Variants in LRMDA observed in about 807,000 individuals in gnomAD.
LRMDA encodes the protein leucine-rich melanocyte differentiation-associated protein.
LRMDA carries 18 observed loss-of-function variants against 29.8 expected under a neutral mutation model. The observed-to-expected ratio is 0.60, with a 90% CI of 0.42 to 0.90. LRMDA has a LOEUF of 0.90. Among genes scored for constraint, LRMDA ranks in the 40% least tolerant of loss-of-function variants. The probability of loss-of-function intolerance (pLI) is 0.00; values close to 1 mark genes in which losing one functional copy is unlikely to be tolerated. For synonymous variants in LRMDA, 125 were observed against 109.4 expected (o/e 1.14, Z -0.89); for missense variants, 273 against 273.9 (o/e 1.00, Z 0.02).
intron 2 of LRMDA, among the ~76,000 whole-genome samples, chr10:75,835,546 C>CT (rs1195593715): frequency 6.6e-6 from 1 of 152,170 alleles, no homozygotes; most frequent in Non-Finnish European, 1.5e-5. Flanking sequence ...TACCATATCG[C>CT]TATTATTTCA....
chr10:76,152,215 TTC>T (rs1305524907), intron 5 of LRMDA, among the ~76,000 whole-genome samples: 1 of 152,198 alleles, frequency 6.6e-6, no homozygotes, highest in African/African-American at 2.4e-5. Context: ...TTAATCAACT[TTC>T]TGTCTCTATA....
chr10:75,676,729 C>T (rs772211765), intron 2 of LRMDA, among the ~76,000 whole-genome samples: 1 of 152,170 alleles, frequency 6.6e-6, no homozygotes, highest in Non-Finnish European at 1.5e-5. Context: ...TAGGTAAATT[C>T]TCTGAAGGAG....
At chr10:76,038,492 T>A (rs1848288527) in intron 3 of LRMDA, among the ~76,000 whole-genome samples, 1 of 152,216 alleles carries the variant, frequency 6.6e-6, no homozygotes, top group South Asian at 2.1e-4. Flanking sequence ...TGTAGCACAT[T>A]TTCTTATCAG....
At chr10:76,008,748 C>G (rs1417784132) in intron 2 of LRMDA, among the ~76,000 whole-genome samples, 5 of 152,232 alleles carry the variant, frequency 3.3e-5, no homozygotes, top group Non-Finnish European at 5.9e-5. Context: ...TGTTGGAGAG[C>G]TCTCTGAGAA....
intron 6 of LRMDA, among the ~76,000 whole-genome samples, chr10:76,424,312 G>A (rs1018739178): frequency 4.6e-5 from 7 of 151,574 alleles, no homozygotes; most frequent in African/African-American, 7.3e-5. Context: ...GTAGGACCAC[G>A]AGGTCAGGAG....
chr10:76,002,520 TAATC>T (rs946566481), intron 2 of LRMDA, among the ~76,000 whole-genome samples: 27 of 152,184 alleles, frequency 1.8e-4, no homozygotes, highest in African/African-American at 6.0e-4. Context: ...ATGGGGATGG[TAATC>T]AATCTGTAGG....
intron 2 of LRMDA, among the ~76,000 whole-genome samples, chr10:75,659,017 C>T (rs1841714612): frequency 6.6e-6 from 1 of 152,126 alleles, no homozygotes; most frequent in African/African-American, 2.4e-5. Flanking sequence ...TGGGCCTGGC[C>T]CCACCGGCAG....
At chr10:76,244,458 G>A (rs1852336838) in intron 5 of LRMDA, among the ~76,000 whole-genome samples, 1 of 152,182 alleles carries the variant, frequency 6.6e-6, no homozygotes, top group South Asian at 2.1e-4. Context: ...AGAGGAGAAA[G>A]CATGGTACAG....
intron 5 of LRMDA, among the ~76,000 whole-genome samples, chr10:76,296,918 G>C (rs1404038913): frequency 3.9e-5 from 6 of 152,214 alleles, no homozygotes; most frequent in Non-Finnish European, 7.4e-5. Context: ...AGTTGATAGA[G>C]TTGTCACAGA....
intron 2 of LRMDA, among the ~76,000 whole-genome samples, chr10:75,596,088 G>A (rs1257856610): frequency 1.3e-5 from 2 of 152,122 alleles, no homozygotes; most frequent in Admixed American, 1.3e-4. Flanking sequence ...TATTATCTAT[G>A]TGAATGAATA....
chr10:75,699,489 AAAG>A (rs1329729752), intron 2 of LRMDA, among the ~76,000 whole-genome samples: 4 of 152,368 alleles, frequency 2.6e-5, no homozygotes, highest in African/African-American at 9.6e-5. Context: ...AAGTCTGCCC[AAAG>A]AAGAGTTTTA....
At chr10:76,478,326 T>A (rs1475554882) in intron 6 of LRMDA, among the ~76,000 whole-genome samples, 1 of 152,078 alleles carries the variant, frequency 6.6e-6, no homozygotes, top group Non-Finnish European at 1.5e-5. Flanking sequence ...ATCAGAGAAA[T>A]GCAAATCAAA....
chr10:75,493,651 T>C (rs1393058861), intron 2 of LRMDA, among the ~76,000 whole-genome samples: 1 of 152,180 alleles, frequency 6.6e-6, no homozygotes, highest in Admixed American at 6.5e-5. Context: ...ACTGGCCTCA[T>C]CTTCCCTGCT....
chr10:76,238,522 A>G (rs888260521), intron 5 of LRMDA, among the ~76,000 whole-genome samples: 2 of 132,590 alleles, frequency 1.5e-5, no homozygotes, highest in East Asian at 2.2e-4. Context: ...TCAGGTGTCT[A>G]TTGCATATCT....
At chr10:76,433,218 G>C (rs953421679) in intron 6 of LRMDA, among the ~76,000 whole-genome samples, 3 of 152,164 alleles carry the variant, frequency 2.0e-5, no homozygotes, top group Non-Finnish European at 4.4e-5. Context: ...CCCCTGCCTG[G>C]AGCCGCCAGT....
At chr10:75,661,173 C>T (rs1004653867) in intron 2 of LRMDA, among the ~76,000 whole-genome samples, 19 of 152,122 alleles carry the variant, frequency 1.2e-4, no homozygotes, top group Non-Finnish European at 2.1e-4. Context: ...ACCGCCCCTC[C>T]GTGCTTCCTC....
At chr10:76,190,507 C>T (rs1851225522) in intron 5 of LRMDA, among the ~76,000 whole-genome samples, 2 of 152,166 alleles carry the variant, frequency 1.3e-5, no homozygotes, top group South Asian at 4.1e-4. Context: ...TGGACATTTT[C>T]CTTTGGAGGC....
At chr10:75,796,747 A>G (rs1037744861) in intron 2 of LRMDA, among the ~76,000 whole-genome samples, 2 of 152,052 alleles carry the variant, frequency 1.3e-5, no homozygotes, top group Non-Finnish European at 2.9e-5. Flanking sequence ...TAATTATAGT[A>G]TTTTTAGTAG....
At chr10:76,550,465 G>A (rs113750129) in intron 6 of LRMDA, among the ~76,000 whole-genome samples, 11,408 of 151,186 alleles carry the variant, frequency 0.075, 1,320 homozygotes, top group African/African-American at 0.25. Context: ...ACAGTGTGCA[G>A]TATCCCCGCC....
Sources: allele counts gnomAD v4.1 joint callset (sites outside exome capture counted in the v4.1 genomes callset), GRCh38; gene constraint gnomAD v4.1.1; transcripts MANE v1.5; gene names NCBI Gene and HGNC (gene_info 2026-07-23, HGNC 2026-07-21).